SOX5: variants seen among roughly 807,000 people sequenced by gnomAD.
SOX5 encodes SRY-box transcription factor 5, also known as transcription factor SOX-5.
In SOX5, 9 loss-of-function variants were observed where a neutral mutation model predicts 92.0. The ratio of observed to expected loss-of-function variants is 0.10; its 90% CI spans 0.06 to 0.17. The LOEUF (loss-of-function observed/expected upper bound fraction) is 0.17. Ranked by LOEUF, SOX5 falls within the 10% of genes least tolerant of loss-of-function variation. SOX5 has a pLI of 1.00. For synonymous variants in SOX5, 344 were observed against 336.3 expected (o/e 1.02, Z -0.25); for missense variants, 642 against 944.5 (o/e 0.68, Z 4.20).
At chr12:23,728,712 C>T (rs888812868) in intron 6 of SOX5, among the ~76,000 whole-genome samples, 1 of 151,940 alleles carries the variant, frequency 6.6e-6, no homozygotes, top group African/African-American at 2.4e-5. Context: ...GTATTTTTAC[C>T]GTGTAGGAAT....
At chr12:24,552,400 G>C (rs1953280837) in intron 1 of SOX5, among the ~76,000 whole-genome samples, 1 of 152,162 alleles carries the variant, frequency 6.6e-6, no homozygotes, top group African/African-American at 2.4e-5. Context: ...AGTCACACTT[G>C]TTACAAATGC....
intron 9 of SOX5, among the ~76,000 whole-genome samples, chr12:23,589,649 A>G (rs1951243766): frequency 6.6e-6 from 1 of 151,966 alleles, no homozygotes; most frequent in Non-Finnish European, 1.5e-5. Flanking sequence ...AAAGGCTCAT[A>G]TTTCCTAAAT....
intron 8 of SOX5, among the ~76,000 whole-genome samples, chr12:23,623,939 C>T (rs1329374158): frequency 2.0e-5 from 3 of 152,016 alleles, no homozygotes; most frequent in Non-Finnish European, 1.5e-5. Flanking sequence ...ATAACTCAAA[C>T]GTCCATAGAT....
At chr12:24,094,212 G>T (rs773897179) in intron 4 of SOX5, among the ~76,000 whole-genome samples, 14 of 152,176 alleles carry the variant, frequency 9.2e-5, no homozygotes, top group Non-Finnish European at 2.1e-4. Flanking sequence ...CTACCAAACT[G>T]CTGGGATTAC....
intron 6 of SOX5, among the ~76,000 whole-genome samples, chr12:23,668,125 C>T (rs1485907955): frequency 1.3e-5 from 2 of 152,146 alleles, no homozygotes; most frequent in Non-Finnish European, 2.9e-5. Context: ...GTGTGACTTA[C>T]GCAGAAGACT....
intron 3 of SOX5, among the ~76,000 whole-genome samples, chr12:24,261,184 T>A (rs1487408475): frequency 6.6e-6 from 1 of 152,072 alleles, no homozygotes; most frequent in African/African-American, 2.4e-5. Flanking sequence ...AAAAACTATA[T>A]CTACAGCAAA....
intron 3 of SOX5, among the ~76,000 whole-genome samples, chr12:24,214,107 T>C (rs1393426529): frequency 6.6e-6 from 1 of 152,096 alleles, no homozygotes; most frequent in East Asian, 1.9e-4. Context: ...ATAAAATTTA[T>C]AGAATACATA....
chr12:24,367,324 C>A (rs970039683), intron 2 of SOX5, among the ~76,000 whole-genome samples: 1 of 152,112 alleles, frequency 6.6e-6, no homozygotes, highest in African/African-American at 2.4e-5. Flanking sequence ...CAAAGAAATG[C>A]CACGCTATTC....
intron 11 of SOX5, among the ~76,000 whole-genome samples, chr12:23,559,687 A>G (rs893515160): frequency 2.6e-5 from 4 of 152,188 alleles, no homozygotes; most frequent in Non-Finnish European, 2.9e-5. Flanking sequence ...ATATGAAGAA[A>G]AGTTAATGTG....
chr12:24,119,357 A>G (rs1267820123), intron 4 of SOX5, among the ~76,000 whole-genome samples: 1 of 152,136 alleles, frequency 6.6e-6, no homozygotes, highest in African/African-American at 2.4e-5. Flanking sequence ...GAAATCATTT[A>G]AAAATAAGAG....
chr12:23,628,789 GC>G (rs1326593957), intron 8 of SOX5, among the ~76,000 whole-genome samples: 1 of 151,756 alleles, frequency 6.6e-6, no homozygotes, highest in Admixed American at 6.6e-5. Context: ...AATGTGCAGG[GC>G]TGGCTTAAGC....
At chr12:24,042,687 T>A (rs963330543) in intron 4 of SOX5, among the ~76,000 whole-genome samples, 1 of 152,140 alleles carries the variant, frequency 6.6e-6, no homozygotes, top group Non-Finnish European at 1.5e-5. Flanking sequence ...TCCTTTTAAC[T>A]GTTTTGGTCA....
At chr12:23,855,582 C>G (rs1228411313) in intron 2 of SOX5, among the ~76,000 whole-genome samples, 1 of 152,064 alleles carries the variant, frequency 6.6e-6, no homozygotes, top group Non-Finnish European at 1.5e-5. Flanking sequence ...ATGTGCACAT[C>G]AAGCTTTTTC....
intron 2 of SOX5, among the ~76,000 whole-genome samples, chr12:23,855,128 T>A (rs2096672893): frequency 6.6e-6 from 1 of 152,034 alleles, no homozygotes; most frequent in African/African-American, 2.4e-5. Context: ...GCCCTTTCTT[T>A]CATCCACTCT....
intron 3 of SOX5, among the ~76,000 whole-genome samples, chr12:23,768,310 A>C (rs1201731319): frequency 6.6e-6 from 1 of 152,122 alleles, no homozygotes; most frequent in Non-Finnish European, 1.5e-5. Flanking sequence ...TCTGTGTTCC[A>C]CATGTCAGAA....
intron 1 of SOX5, among the ~76,000 whole-genome samples, chr12:24,474,936 G>C (rs888098434): frequency 6.6e-6 from 1 of 151,788 alleles, no homozygotes; most frequent in Non-Finnish European, 1.5e-5. Context: ...TGCAACCTCT[G>C]CCTCCCAAGT....
chr12:24,018,492 T>C (rs1953922064), intron 4 of SOX5, among the ~76,000 whole-genome samples: 5 of 152,122 alleles, frequency 3.3e-5, no homozygotes, highest in Admixed American at 3.3e-4. Context: ...ACACTTTAGG[T>C]CATATTTATA....
At chr12:23,823,096 G>C (rs1040167361) in intron 3 of SOX5, among the ~76,000 whole-genome samples, 6 of 151,970 alleles carry the variant, frequency 3.9e-5, no homozygotes, top group African/African-American at 1.5e-4. Context: ...CTTTTAATTG[G>C]GCCATTTAGC....
chr12:24,302,475 C>T (rs1008923850), intron 2 of SOX5, among the ~76,000 whole-genome samples: 1 of 152,172 alleles, frequency 6.6e-6, no homozygotes, highest in Middle Eastern at 3.4e-3. Flanking sequence ...CAGAGAGTTT[C>T]AAGACCTTGC....
Sources: allele counts gnomAD v4.1 joint callset (sites outside exome capture counted in the v4.1 genomes callset), GRCh38; gene constraint gnomAD v4.1.1; transcripts MANE v1.5; gene names NCBI Gene and HGNC (gene_info 2026-07-23, HGNC 2026-07-21).